The following B4GALT5 variants were observed in gnomAD, a reference collection of about 807,000 sequenced individuals.
B4GALT5 encodes the protein UDP-Gal:beta-GlcNAc beta-1,4-galactosyltransferase 5.
B4GALT5 carries 11 observed loss-of-function variants against 45.0 expected under a neutral mutation model. The ratio of observed to expected loss-of-function variants is 0.24; its 90% CI spans 0.15 to 0.40. The LOEUF is 0.40. Ranked by LOEUF, B4GALT5 falls within the 10% of genes least tolerant of loss-of-function variation. B4GALT5 has a pLI of 1.00. For synonymous variants in B4GALT5, 185 were observed against 182.9 expected (o/e 1.01, Z -0.09); for missense variants, 337 against 500.2 (o/e 0.67, Z 3.11).
intron 1 of B4GALT5, among the ~76,000 whole-genome samples, chr20:49,665,991 T>G (rs150085568): frequency 2.8e-4 from 42 of 152,150 alleles, no homozygotes; most frequent in African/African-American, 1.0e-3. Context: ...CGCACTATAC[T>G]TGGGGTCTGA....
In B4GALT5 at chr20:49,643,617, C is replaced by T; in HGVS notation, c.398G>A (p.Gly133Glu). The change falls in exon 4 of 9, where the codon GGA (glycine) becomes GAA (glutamate). Residue 133 changes from glycine (G) to glutamate (E), a missense_variant. Transcript: ENST00000371711. Reference protein sequence around the residue: ...GPIDINMSEIGMDYIHELFSK... With the variant: ...GPIDINMSEIEMDYIHELFSK... The stretch of plus-strand genomic sequence containing the variant: ...GAAGAGTTCATGAATGTAATCCATT[C>T]CAATTTCACTCATGTTTATGTCTAT... 1 of 1,613,884 alleles carries T rather than the reference C, an allele frequency of 6.2e-7. No homozygotes were observed. Among genetic ancestry groups the T allele is most frequent in the Non-Finnish European group, 8.5e-7 (1 of 1,179,900 alleles).
chr20:49,682,267 C>T (rs536209465), intron 1 of B4GALT5, among the ~76,000 whole-genome samples: 19 of 152,364 alleles, frequency 1.2e-4, no homozygotes, highest in African/African-American at 4.6e-4. Context: ...CTGTGCCCCT[C>T]TGTGCACTGC....
intron 1 of B4GALT5, among the ~76,000 whole-genome samples, chr20:49,666,663 T>C (rs912043723): frequency 2.6e-5 from 4 of 152,156 alleles, no homozygotes; most frequent in African/African-American, 4.8e-5. Flanking sequence ...TTCCCCCATA[T>C]ACAAAATACA....
intron 1 of B4GALT5, among the ~76,000 whole-genome samples, chr20:49,660,541 G>A (rs2085660992): frequency 6.6e-6 from 1 of 152,226 alleles, no homozygotes; most frequent in Admixed American, 6.5e-5. Flanking sequence ...GTAAACAGCA[G>A]TCACATCCTA....
chr20:49,664,920 C>G (rs949749548), intron 1 of B4GALT5, among the ~76,000 whole-genome samples: 1 of 152,118 alleles, frequency 6.6e-6, no homozygotes, highest in South Asian at 2.1e-4. Flanking sequence ...AGGTGTAGAG[C>G]ATATATTTAT....
chr20:49,685,620 C>G (rs566246707), intron 1 of B4GALT5, among the ~76,000 whole-genome samples: 131 of 152,228 alleles, frequency 8.6e-4, no homozygotes, highest in African/African-American at 3.1e-3. Flanking sequence ...TCTCCTATAG[C>G]TGTCTATCAT....
intron 6 of B4GALT5, among the ~76,000 whole-genome samples, chr20:49,640,093 C>T (rs960261610): frequency 6.6e-6 from 1 of 152,194 alleles, no homozygotes; most frequent in Non-Finnish European, 1.5e-5. Flanking sequence ...TGTTTCATCA[C>T]TGTCCCCCGC....
chr20:49,653,503 A>G (rs900368648), intron 2 of B4GALT5, among the ~76,000 whole-genome samples: 6 of 152,266 alleles, frequency 3.9e-5, no homozygotes, highest in African/African-American at 1.2e-4. Flanking sequence ...CAAAGATGAC[A>G]AAAGGAATGA....
chr20:49,679,364 T>C (rs181773731), intron 1 of B4GALT5, among the ~76,000 whole-genome samples: 1 of 152,156 alleles, frequency 6.6e-6, no homozygotes, highest in African/African-American at 2.4e-5. Flanking sequence ...ATCAAGAACA[T>C]TAATGAGTCT....
chr20:49,682,703 G>A (rs2085769057), intron 1 of B4GALT5, among the ~76,000 whole-genome samples: 1 of 152,080 alleles, frequency 6.6e-6, no homozygotes, highest in African/African-American at 2.4e-5. Context: ...TTACCTAAAA[G>A]GACACACAAG....
chr20:49,668,986 T>C (rs562524480), intron 1 of B4GALT5, among the ~76,000 whole-genome samples: 1 of 151,578 alleles, frequency 6.6e-6, no homozygotes, highest in Non-Finnish European at 1.5e-5. Context: ...CTCAGCCTCC[T>C]GTGTAGCTGG....
chr20:49,687,020 C>T (rs570016138), intron 1 of B4GALT5, among the ~76,000 whole-genome samples: 11 of 152,300 alleles, frequency 7.2e-5, no homozygotes, highest in Admixed American at 2.6e-4. Flanking sequence ...AAACTATTCC[C>T]TTCCTTTAGG....
intron 1 of B4GALT5, among the ~76,000 whole-genome samples, chr20:49,662,341 T>C (rs1394056188): frequency 1.3e-5 from 2 of 152,146 alleles, no homozygotes. Context: ...ACATACAACA[T>C]ATTTTAAAAT....
intron 3 of B4GALT5, among the ~76,000 whole-genome samples, chr20:49,644,610 A>G (rs1470026899): frequency 6.6e-6 from 1 of 152,200 alleles, no homozygotes; most frequent in Non-Finnish European, 1.5e-5. Context: ...TGAACTAATA[A>G]CATTAGTTTT....
intron 2 of B4GALT5, among the ~76,000 whole-genome samples, chr20:49,654,619 CA>C (rs1258578299): frequency 6.6e-6 from 1 of 152,168 alleles, no homozygotes; most frequent in African/African-American, 2.4e-5. Flanking sequence ...TTAAGAGAGG[CA>C]ATGTTTTCTC....
chr20:49,706,176 C>T (rs1351558298), intron 1 of B4GALT5, among the ~76,000 whole-genome samples: 1 of 135,174 alleles, frequency 7.4e-6, no homozygotes, highest in African/African-American at 2.7e-5. Context: ...GTCTGGGCAA[C>T]AAGAGAGCGA....
intron 1 of B4GALT5, among the ~76,000 whole-genome samples, chr20:49,675,410 G>GACGGCCACAGGGAGTAAGTTTAT (rs1280538239): frequency 1.3e-5 from 2 of 152,154 alleles, no homozygotes; most frequent in East Asian, 3.8e-4. Flanking sequence ...ATATTAACAA[G>GACGGCCACAGGGAGTAAGTTTAT]ACGGCCACAG....
intron 1 of B4GALT5, among the ~76,000 whole-genome samples, chr20:49,697,202 G>A (rs1000981194): frequency 2.0e-5 from 3 of 152,226 alleles, no homozygotes; most frequent in Non-Finnish European, 4.4e-5. Flanking sequence ...CAAGGCCAGG[G>A]GAGCCAAAAG....
chr20:49,674,726 C>A (rs1015489651), intron 1 of B4GALT5, among the ~76,000 whole-genome samples: 1 of 151,896 alleles, frequency 6.6e-6, no homozygotes, highest in South Asian at 2.1e-4. Flanking sequence ...AAAAGAATTG[C>A]ATTTAGTCTT....
Sources: gnomAD v4.1 joint callset for allele counts (sites outside exome capture counted in the v4.1 genomes callset) on GRCh38, gnomAD v4.1.1 for gene constraint, MANE v1.5 for transcripts, NCBI Gene and HGNC (gene_info 2026-07-23, HGNC 2026-07-21) for gene names.